CADPS: variants seen among roughly 807,000 people sequenced by gnomAD.
CADPS encodes calcium dependent secretion activator.
In CADPS, 57 loss-of-function variants were observed where a neutral mutation model predicts 167.3. The observed-to-expected ratio is 0.34, with a 90% CI of 0.28 to 0.42. The LOEUF (loss-of-function observed/expected upper bound fraction) is 0.42. Among genes scored for constraint, CADPS ranks in the 20% least tolerant of loss-of-function variants. The probability of loss-of-function intolerance (pLI) is 1.00; values close to 1 mark genes in which losing one functional copy is unlikely to be tolerated. For missense variants in CADPS, 1,414 were observed against 1,738.1 expected, an observed-to-expected ratio of 0.81 and a Z score of 3.32; for synonymous variants, 676 against 635.3, an observed-to-expected ratio of 1.06 and a Z score of -0.96.
intron 23 of CADPS, among the ~76,000 whole-genome samples, chr3:62,477,343 T>C (rs1195327555): frequency 6.8e-6 from 1 of 146,358 alleles, no homozygotes; most frequent in African/African-American, 2.6e-5. Flanking sequence ...TGAGGAAAAA[T>C]AATGCAACAG....
chr3:62,529,449 T>C (rs961879492), intron 13 of CADPS, among the ~76,000 whole-genome samples: 4 of 152,184 alleles, frequency 2.6e-5, no homozygotes, highest in African/African-American at 9.7e-5. Context: ...CCAGGAAGGC[T>C]TCCTCTCCGA....
At chr3:62,698,466 T>C (rs2080761036) in intron 3 of CADPS, among the ~76,000 whole-genome samples, 7 of 152,048 alleles carry the variant, frequency 4.6e-5, no homozygotes, top group Admixed American at 4.6e-4. Flanking sequence ...TTAGTTTCTG[T>C]CTGCAAATAC....
In CADPS at chr3:62,399,438, C is replaced by T. The variant is rs944534060; in HGVS notation, c.4030G>A (p.Asp1344Asn). Reference sequence around the variant, plus strand: ...TCTTCTTCGTCTTCCTCATCGCTGTCCTTCATGCTGATGCCCTGCAGTCCC... The same window carrying T: ...TCTTCTTCGTCTTCCTCATCGCTGTTCTTCATGCTGATGCCCTGCAGTCCC... ...GGGLQGISMK[D>N]SDEEDEEDD The change falls in exon 30 of 30, where the codon GAC becomes AAC. Residue 1344 changes from aspartate (D) to asparagine (N), a missense_variant. By Grantham distance (23) the Asp-to-Asn change is conservative. Coordinates refer to ENST00000383710, the MANE Select transcript of CADPS (RefSeq NM_003716.4). This position sits in a 1 kb window ranked among gnomAD's most constrained non-coding sequence, Gnocchi z 5.6. The T allele has an allele frequency of 6.2e-7, 1 of 1,614,172 alleles. No individual in the cohort carries two copies. The highest frequency in any genetic ancestry group is 2.2e-5 in the East Asian group (1 of 44,884).
intron 1 of CADPS, chr3:62,779,783 CA>C (rs2091193451): frequency 3.4e-6 from 1 of 297,316 alleles, no homozygotes; most frequent in South Asian, 3.4e-5. Context: ...AGCTCCTCAA[CA>C]CAATGTCAGT....
intron 4 of CADPS, among the ~76,000 whole-genome samples, chr3:62,661,593 C>A (rs1315990872): frequency 6.6e-6 from 1 of 151,974 alleles, no homozygotes; most frequent in Non-Finnish European, 1.5e-5. Context: ...TAGATTTTGT[C>A]CTGGGAGCAA....
At chr3:62,835,023 ATTGT>A (rs2075695985) in intron 1 of CADPS, among the ~76,000 whole-genome samples, 3 of 152,190 alleles carry the variant, frequency 2.0e-5, no homozygotes, top group African/African-American at 7.2e-5. Context: ...GAGCAGATTC[ATTGT>A]TTGGAATATG....
chr3:62,516,793 A>G (rs1056289304), intron 14 of CADPS, 150 bp from the exon 15 acceptor site: 5 of 601,994 alleles, frequency 8.3e-6, no homozygotes, highest in Non-Finnish European at 1.5e-5. Flanking sequence ...AATTCACACC[A>G]TATATGTGTG....
At chr3:62,733,064 C>G (rs1564446691) in intron 3 of CADPS, among the ~76,000 whole-genome samples, 1 of 152,148 alleles carries the variant, frequency 6.6e-6, no homozygotes, top group African/African-American at 2.4e-5. Flanking sequence ...CAAATGTAAA[C>G]TAGGCAATGG....
chr3:62,592,878 T>G, intron 6 of CADPS, 130 bp from the exon 7 acceptor site: 1 of 562,056 alleles, frequency 1.8e-6, no homozygotes, highest in Non-Finnish European at 3.1e-6. Context: ...CCTCTTCTCC[T>G]CCCCTTCAAA....
At chr3:62,669,279 C>T (rs1181957346) in intron 3 of CADPS, among the ~76,000 whole-genome samples, 1 of 152,204 alleles carries the variant, frequency 6.6e-6, no homozygotes, top group Admixed American at 6.5e-5. Context: ...GCACTCCCAT[C>T]AGCTGGCAGG....
intron 7 of CADPS, 58 bp downstream of exon 7, chr3:62,592,579 G>C (rs536102981): frequency 7.5e-6 from 10 of 1,331,244 alleles, no homozygotes; most frequent in Non-Finnish European, 9.7e-6. Context: ...CTGTGCACTG[G>C]AGACCTAGCT....
At chr3:62,854,937 TA>T (rs1290388069) in intron 1 of CADPS, among the ~76,000 whole-genome samples, 1 of 152,220 alleles carries the variant, frequency 6.6e-6, no homozygotes, top group East Asian at 1.9e-4. Flanking sequence ...ATGTGTTATT[TA>T]TTTTTGGAAA....
chr3:62,565,384 T>C (rs886709588), intron 9 of CADPS, among the ~76,000 whole-genome samples: 6 of 152,182 alleles, frequency 3.9e-5, no homozygotes, highest in Non-Finnish European at 2.9e-5. Flanking sequence ...GATGGTGTCA[T>C]CTGAAGGGAA....
intron 6 of CADPS, among the ~76,000 whole-genome samples, chr3:62,593,473 T>C (rs1362916520): frequency 3.9e-5 from 6 of 152,192 alleles, no homozygotes; most frequent in Non-Finnish European, 8.8e-5. Context: ...TTATTATTCT[T>C]ACAGAGAATT....
intron 8 of CADPS, among the ~76,000 whole-genome samples, chr3:62,573,095 T>C (rs1440806463): frequency 6.6e-6 from 1 of 152,202 alleles, no homozygotes; most frequent in Non-Finnish European, 1.5e-5. Context: ...TTGACTAGGC[T>C]GGTCTCGAAC....
At position 62,458,207 on chromosome 3, in the gene CADPS, A is replaced by G. The variant is rs1162239863; in HGVS notation, c.3636+7160T>C. ...ACTAACTATATACCAGGTGTTATGA[A>G]AGGGCTACTGTTTATCTCTTATTAG... On this transcript the variant is annotated intron_variant, in intron 26 of 29. Coordinates refer to ENST00000383710, the MANE Select transcript of CADPS (RefSeq NM_003716.4). The surrounding 1 kb of genome is among the most constrained non-coding windows in gnomAD (Gnocchi z 4.6). 6.6e-6 allele frequency among the ~76,000 whole-genome samples: 1 copy of G among 152,184 alleles called. No individual in the cohort carries two copies. The highest frequency in any genetic ancestry group is 1.9e-4 in the East Asian group (1 of 5,186).
In CADPS at chr3:62,409,547, G is replaced by A. The variant is rs117343904; in HGVS notation, c.3778-6362C>T. On this transcript the variant is annotated intron_variant, in intron 28 of 29. Transcript: ENST00000383710. ...AGACAATCATTGCTGACTCTTAAGGGAAATGATAAGAAAAAGGTGAATGAG... is the reference window on the plus strand; with the variant it reads ...AGACAATCATTGCTGACTCTTAAGGAAAATGATAAGAAAAAGGTGAATGAG... Among the ~76,000 whole-genome samples the A allele has an allele frequency of 2.7e-4, 41 of 152,300 alleles. No homozygotes were observed. The East Asian group carries it at 7.0e-3, about 26-fold the overall frequency.
chr3:62,796,795 T>A (rs886889284), intron 1 of CADPS, among the ~76,000 whole-genome samples: 8 of 152,108 alleles, frequency 5.3e-5, no homozygotes, highest in African/African-American at 1.9e-4. Flanking sequence ...GTTTTAGCGC[T>A]GCAGAGAGGA....
chr3:62,792,964 T>C (rs949400492), intron 1 of CADPS, among the ~76,000 whole-genome samples: 9 of 152,150 alleles, frequency 5.9e-5, no homozygotes, highest in African/African-American at 2.2e-4. Flanking sequence ...GTCAGACTAC[T>C]TGGATCAGAA....
Sources: gnomAD v4.1 joint callset for allele counts (sites outside exome capture counted in the v4.1 genomes callset) on GRCh38, gnomAD v4.1.1 for gene constraint, Gnocchi (gnomAD v3.1) non-coding constraint, MANE v1.5 for transcripts, NCBI Gene and HGNC (gene_info 2026-07-23, HGNC 2026-07-21) for gene names.